Variants in PHF20 observed in about 807,000 individuals in gnomAD.
PHF20 encodes the protein PHD finger protein 20, also known as glioma-expressed antigen 2.
Under a neutral mutation model 113.5 loss-of-function variants are expected in PHF20, and 23 were observed. The observed-to-expected ratio is 0.20, with a 90% confidence interval of 0.15 to 0.29. The LOEUF (loss-of-function observed/expected upper bound fraction) is 0.29, where lower values mean the gene tolerates loss of function less well. Among genes scored for constraint, PHF20 ranks in the 10% least tolerant of loss-of-function variants. The pLI, the probability that PHF20 is intolerant of heterozygous loss-of-function variation, is 1.00. For synonymous variants in PHF20, 434 were observed against 457.3 expected, an observed-to-expected ratio of 0.95 and a Z score of 0.65; for missense variants, 943 against 1,219.6, an observed-to-expected ratio of 0.77 and a Z score of 3.38.
chr20:35,782,217 T>TA (rs2041312745), intron 1 of PHF20: 1 of 151,856 alleles, frequency 6.6e-6, no homozygotes, highest in Non-Finnish European at 1.5e-5. Flanking sequence ...GTGCAACTTG[T>TA]AAAGGCAAGG....
intron 9 of PHF20, among the ~76,000 whole-genome samples, chr20:35,875,084 A>G (rs956179678): frequency 6.6e-6 from 1 of 152,074 alleles, no homozygotes; most frequent in African/African-American, 2.4e-5. Context: ...TGACAGAGGA[A>G]GACCCTATCT....
In PHF20 at chr20:35,814,409, GT is replaced by G. The variant is rs763961974; in HGVS notation, c.83+12807del. On this transcript the variant is annotated intron_variant, in intron 2 of 17. Coordinates refer to ENST00000374012, the MANE Select transcript of PHF20 (RefSeq NM_016436.5). ...ATTTTGTATTTTTAGTAGAGATGGG[GT>G]TTCACCCTCTTGGCCAGGCTGGTCT... 5.3e-5 allele frequency among the ~76,000 whole-genome samples: 8 copies of G among 151,504 alleles called. No homozygotes were observed. The East Asian group carries it at 1.6e-3, about 30-fold the overall frequency.
At chr20:35,802,932 C>T (rs550933346) in intron 2 of PHF20, among the ~76,000 whole-genome samples, 212 of 114,880 alleles carry the variant, frequency 1.8e-3, no homozygotes, top group African/African-American at 7.1e-3. Context: ...GAGTGAGACT[C>T]GGTCTGAAAA....
chr20:35,911,858 C>T (rs2055311218), intron 10 of PHF20, among the ~76,000 whole-genome samples: 1 of 151,964 alleles, frequency 6.6e-6, no homozygotes, highest in African/African-American at 2.4e-5. Flanking sequence ...GGGGTTTTGC[C>T]ATGTGGGCCA....
At chr20:35,936,724 A>G (rs1357152358) in intron 15 of PHF20, among the ~76,000 whole-genome samples, 1 of 152,200 alleles carries the variant, frequency 6.6e-6, no homozygotes, top group African/African-American at 2.4e-5. Flanking sequence ...TTGTAATCAA[A>G]TGCCATTACA....
At chr20:35,781,693 C>T (rs2041300478) in intron 1 of PHF20, among the ~76,000 whole-genome samples, 1 of 152,112 alleles carries the variant, frequency 6.6e-6, no homozygotes, top group African/African-American at 2.4e-5. Flanking sequence ...GCCTGTAATC[C>T]CAGCACTTCG....
intron 9 of PHF20, among the ~76,000 whole-genome samples, chr20:35,885,467 CTTTTTTT>C (rs577878410): frequency 5.6e-5 from 2 of 35,720 alleles, no homozygotes; most frequent in African/African-American, 1.1e-4. Flanking sequence ...GGGGAATAAG[CTTTTTTT>C]TTTTTTTTTT....
At chr20:35,901,095 G>A (rs1225958041) in intron 10 of PHF20, among the ~76,000 whole-genome samples, 1 of 151,948 alleles carries the variant, frequency 6.6e-6, no homozygotes, top group Admixed American at 6.6e-5. Flanking sequence ...GTGTTTATTT[G>A]TGTGTACTTT....
intron 9 of PHF20, among the ~76,000 whole-genome samples, chr20:35,892,224 A>ATTTT (rs780490898): frequency 2.0e-5 from 2 of 102,526 alleles, no homozygotes; most frequent in African/African-American, 3.8e-5. Context: ...CGCCTGGCTG[A>ATTTT]TTTTTTTTTT....
At chr20:35,933,440 A>G (rs1568790713) in intron 15 of PHF20, among the ~76,000 whole-genome samples, 1 of 150,694 alleles carries the variant, frequency 6.6e-6, no homozygotes, top group African/African-American at 2.5e-5. Flanking sequence ...TCTGTCACCC[A>G]GGCTGGAGTC....
chr20:35,943,188 A>C (rs2056020282), intron 17 of PHF20, among the ~76,000 whole-genome samples: 6 of 152,064 alleles, frequency 3.9e-5, no homozygotes, highest in Admixed American at 3.9e-4. Context: ...TTTTTTAAAA[A>C]GCCGGCCTGC....
chr20:35,870,181 G>T (rs1934267056), intron 7 of PHF20, among the ~76,000 whole-genome samples: 1 of 152,008 alleles, frequency 6.6e-6, no homozygotes, highest in African/African-American at 2.4e-5. Context: ...GCAGGCACCT[G>T]TAGTCCCAGC....
chr20:35,776,817 T>A (rs1158848330), intron 1 of PHF20, among the ~76,000 whole-genome samples: 1 of 152,216 alleles, frequency 6.6e-6, no homozygotes, highest in East Asian at 1.9e-4. Context: ...CACTTAATGC[T>A]ATGGGCCTGC....
intron 3 of PHF20, among the ~76,000 whole-genome samples, chr20:35,846,599 A>T (rs911496612): frequency 2.0e-5 from 3 of 152,176 alleles, no homozygotes; most frequent in African/African-American, 7.2e-5. Flanking sequence ...CTGAGTATGA[A>T]GTAGCCTCAT....
intron 9 of PHF20, among the ~76,000 whole-genome samples, chr20:35,889,865 C>T (rs1360418910): frequency 6.6e-6 from 1 of 151,854 alleles, no homozygotes; most frequent in Non-Finnish European, 1.5e-5. Flanking sequence ...GTAGCTGGGA[C>T]TAGAAGCATG....
At chr20:35,799,908 G>C (rs191381144) in intron 1 of PHF20, among the ~76,000 whole-genome samples, 1 of 152,062 alleles carries the variant, frequency 6.6e-6, no homozygotes, top group South Asian at 2.1e-4. Flanking sequence ...CTTGTGATCC[G>C]CCTGCCTCGG....
intron 15 of PHF20, 106 bp downstream of exon 15, chr20:35,931,550 T>G: frequency 2.5e-6 from 2 of 807,742 alleles, no homozygotes; most frequent in Non-Finnish European, 1.9e-6. Context: ...ATCATAAAAC[T>G]GAGTTTGAGA....
chr20:35,920,461 A>C (rs2055490912), intron 13 of PHF20, among the ~76,000 whole-genome samples: 1 of 152,194 alleles, frequency 6.6e-6, no homozygotes, highest in Non-Finnish European at 1.5e-5. Context: ...ATACCATCTC[A>C]CCTCTAACAA....
intron 3 of PHF20, among the ~76,000 whole-genome samples, chr20:35,846,830 T>G (rs1269034828): frequency 6.6e-6 from 1 of 152,146 alleles, no homozygotes; most frequent in Non-Finnish European, 1.5e-5. Flanking sequence ...CTAGGTAATT[T>G]ATAAAGAAAA....
Sources: gnomAD v4.1 joint callset for allele counts (sites outside exome capture counted in the v4.1 genomes callset) on GRCh38, gnomAD v4.1.1 for gene constraint, MANE v1.5 for transcripts, NCBI Gene and HGNC (gene_info 2026-07-23, HGNC 2026-07-21) for gene names.